Variants in EPHX2 observed in about 807,000 individuals in gnomAD.
The protein encoded by EPHX2 is epoxide hydrolase 2.
In EPHX2, 74 loss-of-function variants were observed where a neutral mutation model predicts 78.7. The ratio of observed to expected loss-of-function variants is 0.94; its 90% CI spans 0.78 to 1.14. The LOEUF is 1.14. Among genes scored for constraint, EPHX2 ranks in the 50% most tolerant of loss-of-function variants. EPHX2 has a pLI of 0.00. For synonymous variants in EPHX2, 251 were observed against 255.2 expected, an observed-to-expected ratio of 0.98 and a Z score of 0.16; for missense variants, 715 against 702.5, an observed-to-expected ratio of 1.02 and a Z score of -0.20.
intron 12 of EPHX2, among the ~76,000 whole-genome samples, chr8:27,532,977 T>G (rs147418440): frequency 0.017 from 2,640 of 152,078 alleles, 20 homozygotes; most frequent in Middle Eastern, 0.031. Context: ...TAGCCAGGCA[T>G]GGTGGTGCAC....
chr8:27,543,685 A>G, intron 16 of EPHX2, 64 bp from the exon 17 acceptor site: 2 of 1,557,724 alleles, frequency 1.3e-6, no homozygotes, highest in African/African-American at 1.4e-5. Context: ...GGGGTCTTTC[A>G]GAGGAGGAGG....
Position 27,522,398 on chromosome 8 carries a change from G to A in EPHX2, c.973-25G>A, listed in dbSNP as rs776416327. 1.4e-4 allele frequency: 227 copies of A among 1,611,528 alleles called. 1 individual carries two copies. Among genetic ancestry groups the A allele is most frequent in the Non-Finnish European group, 1.8e-4 (218 of 1,178,792 alleles). On this transcript the variant is annotated intron_variant, in intron 10 of 18. Transcript: ENST00000521400. The stretch of plus-strand genomic sequence containing the variant: ...CCGTTCCAGAAGCCTCCCCACATTC[G>A]GCTCCCTTCTTTTTCCTTCTCTAGG...
At position 27,543,751 on chromosome 8, in the gene EPHX2, C is replaced by T. The variant is rs1317363609; in HGVS notation, c.1452C>T (p.Ile484=). ...TCTGTTTCCTGTTCTCCCCCCAGAT[C>T]CTGATTCCGGCCCTGATGGTCACGG... ...KWACKSLGRK[I]LIPALMVTAE... The change falls in exon 17 of 19, where the codon ATC becomes ATT. Residue 484 remains isoleucine (I), a splice_region_variant and synonymous_variant. Coordinates refer to ENST00000521400, the MANE Select transcript of EPHX2 (RefSeq NM_001979.6). The T allele has an allele frequency of 1.2e-6, 2 of 1,614,004 alleles. No homozygotes were observed. The highest frequency in any genetic ancestry group is 2.2e-5 in the South Asian group (2 of 91,060).
chr8:27,516,204 C>T, intron 7 of EPHX2, 116 bp from the exon 8 acceptor site: 2 of 1,030,892 alleles, frequency 1.9e-6, no homozygotes, highest in Non-Finnish European at 3.0e-6. Context: ...CCGGGTAGTG[C>T]CCTGTGGCTC....
intron 5 of EPHX2, among the ~76,000 whole-genome samples, chr8:27,508,389 A>AT (rs918868967): frequency 2.0e-5 from 3 of 152,170 alleles, no homozygotes; most frequent in East Asian, 1.9e-4. Context: ...GACAAGACTG[A>AT]TTTTTTTGTC....
Position 27,501,324 on chromosome 8 carries a change from T to TTTCTCCTTCTTC in EPHX2, c.186+318_186+319insCCTTCTTCTTCT, listed in dbSNP as rs1813761926. Among the ~76,000 whole-genome samples, 3 of 103,012 alleles carry TTTCTCCTTCTTC rather than the reference T, an allele frequency of 2.9e-5. No individual in the cohort carries two copies. The South Asian group carries it at 1.2e-3, about 40-fold the overall frequency. The allele number at this position is 103,012 out of a possible 152,430, so 67.6% of individuals were successfully genotyped here. A position where few individuals can be genotyped will look rare whatever the true frequency, so the allele number is the denominator to read the frequency against. ...TAAGAAAGAGGGAAATGCTATATAT[T>TTTCTCCTTCTTC]TTCTTCTTCTTCTTCTTCTTCTTCT... On this transcript the variant is annotated intron_variant, in intron 2 of 18. Coordinates refer to ENST00000521400, the MANE Select transcript of EPHX2 (RefSeq NM_001979.6).
At chr8:27,508,461 G>A (rs1814100535) in intron 5 of EPHX2, among the ~76,000 whole-genome samples, 1 of 152,120 alleles carries the variant, frequency 6.6e-6, no homozygotes, top group Non-Finnish European at 1.5e-5. Context: ...TCTTGCCCAA[G>A]CTTTGTTCAT....
intron 9 of EPHX2, 37 bp downstream of exon 9, chr8:27,518,109 C>T (rs72475852): frequency 5.7e-5 from 90 of 1,577,380 alleles, no homozygotes; most frequent in Middle Eastern, 1.7e-4. Flanking sequence ...CCCCATCCTG[C>T]GATTTTTGTT....
intron 5 of EPHX2, among the ~76,000 whole-genome samples, chr8:27,509,639 A>G (rs1814160468): frequency 6.6e-6 from 1 of 152,090 alleles, no homozygotes. Context: ...TCGGCCTCCC[A>G]AAGTGCGAGG....
intron 11 of EPHX2, among the ~76,000 whole-genome samples, chr8:27,523,968 C>CA (rs1462382630): frequency 1.3e-5 from 2 of 150,946 alleles, no homozygotes; most frequent in African/African-American, 4.9e-5. Context: ...AGTCTCACTC[C>CA]ATTGTCCAGG....
At position 27,515,786 on chromosome 8, in the gene EPHX2, C is replaced by T. The variant is rs148368276; in HGVS notation, c.804C>T (p.Pro268=). ...CTGTGTGCCTCTGCCATGGATTTCC[C>T]GAGAGTTGGTATTCTTGGAGGTACC... The part of the protein sequence containing the change: ...GPAVCLCHGF[P]ESWYSWRYQI... Residue 268 remains proline (P), a synonymous_variant, in exon 7 of 19, where the codon CCC becomes CCT. Coordinates refer to ENST00000521400, the MANE Select transcript of EPHX2 (RefSeq NM_001979.6). 2.5e-5 allele frequency: 41 copies of T among 1,614,014 alleles called. No homozygotes were observed. The African/African-American group carries it at 3.1e-4, about 12-fold the overall frequency.
rs547389421 is a variant in EPHX2, at chr8:27,510,810, G to A, written c.661-1026G>A. 8.5e-5 allele frequency among the ~76,000 whole-genome samples: 13 copies of A among 152,102 alleles called. No individual in the cohort carries two copies. In the South Asian group the frequency reaches 1.2e-3, roughly 15 times the overall value. On this transcript the variant is annotated intron_variant, in intron 5 of 18. Coordinates refer to ENST00000521400, the MANE Select transcript of EPHX2 (RefSeq NM_001979.6). ...CTTTAAAAAAAAAAAATAGCTGGCC[G>A]TGGTAGTGCACACCTATAGTCCCAG...
chr8:27,527,948 G>A (rs78637045), intron 12 of EPHX2, among the ~76,000 whole-genome samples: 2,210 of 152,242 alleles, frequency 0.015, 55 homozygotes, highest in African/African-American at 0.051. Flanking sequence ...GTACATGATT[G>A]GGTCAGGATA....
At chr8:27,522,962 CAAAAAA>C (rs539360462) in intron 11 of EPHX2, among the ~76,000 whole-genome samples, 1 of 62,682 alleles carries the variant, frequency 1.6e-5, no homozygotes, top group Admixed American at 2.0e-4. Flanking sequence ...ACTCCGTTTC[CAAAAAA>C]AAAAAAAAAA....
intron 2 of EPHX2, 67 bp downstream of exon 2, chr8:27,501,077 A>C: frequency 7.1e-7 from 1 of 1,413,538 alleles, no homozygotes; most frequent in Non-Finnish European, 9.9e-7. Context: ...CATCTCCCCG[A>C]ACTTGGGGCC....
intron 5 of EPHX2, 38 bp downstream of exon 5, chr8:27,507,032 C>G (rs764879849): frequency 1.2e-6 from 2 of 1,606,092 alleles, no homozygotes; most frequent in Non-Finnish European, 8.5e-7. Flanking sequence ...TTCCTGGACT[C>G]ATCTGTGGTT....
chr8:27,533,427 T>C (rs1815110283), intron 12 of EPHX2, among the ~76,000 whole-genome samples: 2 of 152,208 alleles, frequency 1.3e-5, no homozygotes, highest in South Asian at 4.1e-4. Flanking sequence ...AAAGATATAG[T>C]CTTATCTTTT....
intron 8 of EPHX2, 140 bp downstream of exon 8, chr8:27,516,538 C>A: frequency 1.3e-6 from 1 of 755,718 alleles, no homozygotes; most frequent in Non-Finnish European, 2.2e-6. Context: ...CTTTCCTCTC[C>A]TACGGTGCCC....
In EPHX2 at chr8:27,492,467, G is replaced by A. The variant is rs1233331211; in HGVS notation, c.101+1158G>A. On this transcript the variant is annotated intron_variant, in intron 1 of 18. Coordinates refer to ENST00000521400, the MANE Select transcript of EPHX2 (RefSeq NM_001979.6). ...GAGGCTATAGTTGTGTCCAGAGTTG[G>A]TTCCTGTCGGTGGGTTCGTGGTCTT... 3.3e-5 allele frequency among the ~76,000 whole-genome samples: 5 copies of A among 152,322 alleles called. No individual in the cohort carries two copies. The East Asian group carries it at 7.7e-4, about 24-fold the overall frequency.
Sources: allele counts gnomAD v4.1 joint callset (sites outside exome capture counted in the v4.1 genomes callset), GRCh38; gene constraint gnomAD v4.1.1; transcripts MANE v1.5; gene names NCBI Gene and HGNC (gene_info 2026-07-23, HGNC 2026-07-21).